Variants in UGT3A2 observed in about 807,000 individuals in gnomAD.
UGT3A2 encodes the protein UDP glycosyltransferase family 3 member A2, also known as UDP-glycosyltransferase 3A2.
UGT3A2 carries 32 observed loss-of-function variants against 39.8 expected under a neutral mutation model. That is an observed-to-expected ratio of 0.80 (90% CI 0.61 to 1.08). UGT3A2 has a LOEUF of 1.08. UGT3A2 is among the 50% of genes least tolerant of loss of function. The probability of loss-of-function intolerance (pLI) is 0.00; values close to 1 mark genes in which losing one functional copy is unlikely to be tolerated. For synonymous variants in UGT3A2, 241 were observed against 230.7 expected (o/e 1.04, Z -0.40); for missense variants, 611 against 637.1 (o/e 0.96, Z 0.44).
chr5:36,049,484 T>C, intron 3 of UGT3A2, 64 bp from the exon 4 acceptor site: 1 of 1,268,368 alleles, frequency 7.9e-7, no homozygotes, highest in Non-Finnish European at 1.1e-6. Flanking sequence ...CATAAAAGTA[T>C]CTTGAGATAC....
At chr5:36,040,977 C>A (rs978337391) in intron 4 of UGT3A2, among the ~76,000 whole-genome samples, 3 of 152,176 alleles carry the variant, frequency 2.0e-5, no homozygotes, top group African/African-American at 7.2e-5. Context: ...AAATTAAGCA[C>A]CAAGGAGAAT....
At chr5:36,036,755 G>A (rs1453727751) in intron 6 of UGT3A2, among the ~76,000 whole-genome samples, 2 of 152,240 alleles carry the variant, frequency 1.3e-5, no homozygotes, top group East Asian at 1.9e-4. Flanking sequence ...CTACGTGGTT[G>A]TTTTAAGTCA....
chr5:36,063,960 T>C lies in UGT3A2; in HGVS notation c.196+289A>G, dbSNP rs716282. 0.033 allele frequency among the ~76,000 whole-genome samples: 5,095 copies of C among 152,242 alleles called. 122 individuals carry two copies. The highest frequency in any genetic ancestry group is 0.047 in the Non-Finnish European group (3,169 of 68,026). On this transcript the variant is annotated intron_variant, in intron 2 of 6. Coordinates refer to ENST00000282507, the MANE Select transcript of UGT3A2 (RefSeq NM_174914.4). ...CATGTTTAATATATTTTTTAAGCCATCTTATAAAGTAGTATTTGTTAAAAT... is the reference window on the plus strand; with the variant it reads ...CATGTTTAATATATTTTTTAAGCCACCTTATAAAGTAGTATTTGTTAAAAT...
At chr5:36,065,480 G>A (rs1481480308) in intron 1 of UGT3A2, among the ~76,000 whole-genome samples, 3 of 152,122 alleles carry the variant, frequency 2.0e-5, no homozygotes, top group Non-Finnish European at 2.9e-5. Flanking sequence ...CAGCATTCTA[G>A]CACCTCAGAA....
chr5:36,060,663 G>A (rs752163775), intron 2 of UGT3A2, among the ~76,000 whole-genome samples: 1 of 152,070 alleles, frequency 6.6e-6, no homozygotes, highest in African/African-American at 2.4e-5. Flanking sequence ...GTCATCCTTC[G>A]TTCAGTCTCG....
Position 36,037,955 on chromosome 5 carries a change from G to C in UGT3A2, c.1137C>G (p.Ile379Met), listed in dbSNP as rs1377983076. The change falls in exon 6 of 7, where the codon ATC becomes ATG. Residue 379 changes from isoleucine (I) to methionine (M), a missense_variant. Coordinates refer to ENST00000282507, the MANE Select transcript of UGT3A2 (RefSeq NM_174914.4). ...HGGQNSIMEA[I>M]QHGVPMVGIP... ...TCCCCACCATGGGCACACCATGCTG[G>C]ATGGCCTCCATTATGCTATTCTGCC... 6.2e-7 allele frequency: 1 copy of C among 1,614,056 alleles called. No homozygotes were observed. The highest frequency in any genetic ancestry group is 8.5e-7 in the Non-Finnish European group (1 of 1,179,988).
At chr5:36,056,467 T>C (rs1742516139) in intron 2 of UGT3A2, among the ~76,000 whole-genome samples, 2 of 152,234 alleles carry the variant, frequency 1.3e-5, no homozygotes, top group African/African-American at 4.8e-5. Flanking sequence ...TTTTAGGTTT[T>C]GGTTGCTGCG....
chr5:36,048,486 T>A (rs1467695550), intron 4 of UGT3A2, among the ~76,000 whole-genome samples: 6 of 152,330 alleles, frequency 3.9e-5, no homozygotes, highest in Admixed American at 3.9e-4. Context: ...TCCGAATCCA[T>A]AGTGTTGTCA....
intron 1 of UGT3A2, among the ~76,000 whole-genome samples, chr5:36,065,951 C>T (rs2111786767): frequency 6.6e-6 from 1 of 152,274 alleles, no homozygotes; most frequent in East Asian, 1.9e-4. Flanking sequence ...CCTTTATGTT[C>T]ATATATGTTT....
chr5:36,061,353 T>G (rs1742696380), intron 2 of UGT3A2, among the ~76,000 whole-genome samples: 1 of 151,228 alleles, frequency 6.6e-6, no homozygotes, highest in Admixed American at 6.6e-5. Flanking sequence ...ACTCGTCATC[T>G]AGCATTAGGT....
At chr5:36,038,523 TTATAA>T in intron 5 of UGT3A2, among the ~76,000 whole-genome samples, 1 of 152,348 alleles carries the variant, frequency 6.6e-6, no homozygotes. Context: ...GTGTCCTCAA[TTATAA>T]GAGAAGTGCC....
rs531312336 is a variant in UGT3A2 at position 36,064,324 on chromosome 5, G to A, written c.121C>T (p.Arg41Trp). Residue 41 changes from arginine (R) to tryptophan (W), a missense_variant, in exon 2 of 7, where the codon CGG becomes TGG. Physicochemically the swap from Arg to Trp is moderately radical, Grantham distance 101. Coordinates refer to ENST00000282507, the MANE Select transcript of UGT3A2 (RefSeq NM_174914.4). ...VGGSHYLLMD[R>W]VSQILQDHGH... is the part of the protein sequence containing the mutation. Reference sequence around the variant, plus strand: ...TGATCTTGAAGAATCTGAGAAACCCGGTCCATCAGTAGATAATGGCTTCCA... The same window carrying A: ...TGATCTTGAAGAATCTGAGAAACCCAGTCCATCAGTAGATAATGGCTTCCA... 3.8e-5 allele frequency: 61 copies of A among 1,613,956 alleles called. No individual in the cohort carries two copies. The highest frequency in any genetic ancestry group is 5.0e-5 in the Admixed American group (3 of 59,980).
intron 6 of UGT3A2, 106 bp downstream of exon 6, chr5:36,037,691 A>T: frequency 8.3e-7 from 1 of 1,206,316 alleles, no homozygotes; most frequent in Non-Finnish European, 1.2e-6. Flanking sequence ...ATACAGTTTT[A>T]ATCTAAAGCA....
chr5:36,035,593 G>C lies in UGT3A2; in HGVS notation c.*105C>G. ...TTTCCTGTTCTTCAAGAAAACAGGA[G>C]ATAACTAGAAGGACTAGAGAATGGG... On this transcript the variant is annotated 3_prime_UTR_variant, in exon 7 of 7. Transcript: ENST00000282507. 6.8e-7 allele frequency: 1 copy of C among 1,464,908 alleles called. No individual in the cohort carries two copies. The highest frequency in any genetic ancestry group is 9.1e-7 in the Non-Finnish European group (1 of 1,095,722). The allele number at this position is 1,464,908 out of a possible 1,614,324, so 90.7% of individuals were successfully genotyped here. A position where few individuals can be genotyped will look rare whatever the true frequency, so the allele number is the denominator to read the frequency against.
chr5:36,042,313 CA>C (rs1742035478), intron 4 of UGT3A2, among the ~76,000 whole-genome samples: 1 of 152,012 alleles, frequency 6.6e-6, no homozygotes, highest in African/African-American at 2.4e-5. Flanking sequence ...AAGTTGTCAT[CA>C]GATTAAAATA....
At chr5:36,040,054 G>A (rs1286831207) in intron 4 of UGT3A2, among the ~76,000 whole-genome samples, 1 of 152,144 alleles carries the variant, frequency 6.6e-6, no homozygotes, top group African/African-American at 2.4e-5. Flanking sequence ...CAAGGAGTGG[G>A]ACTTCTGGAG....
intron 6 of UGT3A2, among the ~76,000 whole-genome samples, chr5:36,037,097 G>T (rs1741853746): frequency 6.6e-6 from 1 of 152,092 alleles, no homozygotes; most frequent in Admixed American, 6.6e-5. Context: ...GGAAGGTGAG[G>T]GGGACAAATA....
At chr5:36,051,371 A>G (rs926135184) in intron 3 of UGT3A2, among the ~76,000 whole-genome samples, 9 of 152,154 alleles carry the variant, frequency 5.9e-5, no homozygotes, top group African/African-American at 1.4e-4. Context: ...TTGCATGGCT[A>G]TATGTTCAAC....
intron 4 of UGT3A2, among the ~76,000 whole-genome samples, chr5:36,046,400 A>G (rs1188657092): frequency 6.6e-6 from 1 of 152,238 alleles, no homozygotes; most frequent in African/African-American, 2.4e-5. Flanking sequence ...AAAATATAGT[A>G]TATGTACACA....
Sources: gnomAD v4.1 joint callset for allele counts (sites outside exome capture counted in the v4.1 genomes callset) on GRCh38, gnomAD v4.1.1 for gene constraint, MANE v1.5 for transcripts, NCBI Gene and HGNC (gene_info 2026-07-23, HGNC 2026-07-21) for gene names.